GPC5: variants seen among roughly 807,000 people sequenced by gnomAD.
The protein encoded by GPC5 is glypican 5.
A neutral mutation model predicts 53.9 loss-of-function variants in GPC5; 47 were observed. That is an observed-to-expected ratio of 0.87 (90% CI 0.69 to 1.11). The LOEUF is 1.11. Among genes scored for constraint, GPC5 ranks in the 50% most tolerant of loss-of-function variants. The pLI is 0.00. For missense variants in GPC5, 748 were observed against 713.1 expected (o/e 1.05, Z -0.56); for synonymous variants, 286 against 263.3 (o/e 1.09, Z -0.84).
chr13:91,810,128 G>T (rs1409324092), intron 5 of GPC5, among the ~76,000 whole-genome samples: 6 of 151,932 alleles, frequency 3.9e-5, no homozygotes, highest in African/African-American at 1.2e-4. Context: ...AACAAAATTA[G>T]TTTCAGAGAA....
chr13:92,289,393 T>C (rs2042978386), intron 7 of GPC5, among the ~76,000 whole-genome samples: 1 of 152,008 alleles, frequency 6.6e-6, no homozygotes, highest in African/African-American at 2.4e-5. Flanking sequence ...ACACTGTATA[T>C]CAAAGATTTA....
intron 6 of GPC5, among the ~76,000 whole-genome samples, chr13:92,020,371 AT>A (rs1460639459): frequency 1.3e-5 from 2 of 152,120 alleles, no homozygotes; most frequent in Non-Finnish European, 2.9e-5. Context: ...AATGCAAGGA[AT>A]TTTTAAGTTT....
intron 6 of GPC5, among the ~76,000 whole-genome samples, chr13:91,939,237 C>A (rs978679686): frequency 6.6e-6 from 1 of 152,042 alleles, no homozygotes; most frequent in African/African-American, 2.4e-5. Context: ...ATTTTATCTA[C>A]ATATGATTGG....
rs920602146 is a variant in GPC5 at position 92,630,594 on chromosome 13, T to C, written c.1562-235688T>C. 3.3e-5 allele frequency among the ~76,000 whole-genome samples: 5 copies of C among 152,170 alleles called. No individual in the cohort carries two copies. The East Asian group carries it at 7.7e-4, about 23-fold the overall frequency. ...GAGACATTAGAACATTTAATGTAGA[T>C]GACGGGTTGATGGGTGCAGCAAACC... On this transcript the variant is annotated intron_variant, in intron 7 of 7. Coordinates refer to ENST00000377067, the MANE Select transcript of GPC5 (RefSeq NM_004466.6).
intron 7 of GPC5, among the ~76,000 whole-genome samples, chr13:92,397,768 G>C (rs1875353008): frequency 6.6e-6 from 1 of 152,076 alleles, no homozygotes; most frequent in Admixed American, 6.5e-5. Flanking sequence ...GAAACAGCAA[G>C]TCATTCCTTT....
intron 7 of GPC5, among the ~76,000 whole-genome samples, chr13:92,788,521 T>TA (rs1354020513): frequency 6.6e-6 from 1 of 152,202 alleles, no homozygotes; most frequent in Admixed American, 6.5e-5. Flanking sequence ...ATTAAGTACT[T>TA]AAAATCTAAA....
chr13:92,560,309 G>T (rs1882653895), intron 7 of GPC5, among the ~76,000 whole-genome samples: 1 of 151,998 alleles, frequency 6.6e-6, no homozygotes, highest in African/African-American at 2.4e-5. Context: ...CAACGTCACA[G>T]AACCTCATAC....
intron 7 of GPC5, among the ~76,000 whole-genome samples, chr13:92,674,015 A>G (rs1886844340): frequency 6.6e-6 from 1 of 152,248 alleles, no homozygotes; most frequent in Non-Finnish European, 1.5e-5. Context: ...AAGGTGGAAC[A>G]TAAACCACTT....
intron 5 of GPC5, among the ~76,000 whole-genome samples, chr13:91,774,599 C>T (rs901989438): frequency 2.0e-5 from 3 of 152,102 alleles, no homozygotes; most frequent in Non-Finnish European, 4.4e-5. Context: ...CCTTGACCTA[C>T]AGCGCACCCA....
intron 7 of GPC5, among the ~76,000 whole-genome samples, chr13:92,829,032 G>T (rs1877953869): frequency 6.6e-6 from 1 of 152,076 alleles, no homozygotes; most frequent in Admixed American, 6.6e-5. Context: ...GAAATAAAAT[G>T]CACCCTCCCG....
chr13:92,073,774 T>G (rs2041231604), intron 6 of GPC5, among the ~76,000 whole-genome samples: 1 of 152,170 alleles, frequency 6.6e-6, no homozygotes, highest in Non-Finnish European at 1.5e-5. Flanking sequence ...TAGCCCTGTA[T>G]GGTTTCGCTG....
chr13:92,593,554 T>C (rs1395510604), intron 7 of GPC5, among the ~76,000 whole-genome samples: 1 of 151,050 alleles, frequency 6.6e-6, no homozygotes. Flanking sequence ...ACGGGAATCA[T>C]CAGCAGAGAT....
intron 7 of GPC5, among the ~76,000 whole-genome samples, chr13:92,683,660 A>T (rs1003146033): frequency 6.6e-6 from 1 of 152,198 alleles, no homozygotes; most frequent in Non-Finnish European, 1.5e-5. Flanking sequence ...TGTTATTCAA[A>T]CTAAAGACCA....
At chr13:92,666,436 T>C (rs1886567663) in intron 7 of GPC5, among the ~76,000 whole-genome samples, 1 of 152,192 alleles carries the variant, frequency 6.6e-6, no homozygotes, top group Non-Finnish European at 1.5e-5. Context: ...ATGTTTCTGC[T>C]GGCTTTTCAT....
At chr13:91,964,126 C>T (rs578013844) in intron 6 of GPC5, among the ~76,000 whole-genome samples, 6 of 152,296 alleles carry the variant, frequency 3.9e-5, no homozygotes, top group South Asian at 2.1e-4. Context: ...TCCAGAGTTT[C>T]TTCCTTCTGG....
At chr13:92,173,268 C>G (rs374036025) in intron 7 of GPC5, among the ~76,000 whole-genome samples, 52 of 152,112 alleles carry the variant, frequency 3.4e-4, no homozygotes, top group African/African-American at 1.2e-3. Context: ...AATTTGTTTT[C>G]CTGGCCACCT....
chr13:92,199,933 T>A (rs1174092895), intron 7 of GPC5, among the ~76,000 whole-genome samples: 1 of 152,324 alleles, frequency 6.6e-6, no homozygotes, highest in East Asian at 1.9e-4. Flanking sequence ...ATACATTTTT[T>A]AAAATAAAAC....
At chr13:91,804,180 A>C (rs2038183491) in intron 5 of GPC5, among the ~76,000 whole-genome samples, 1 of 152,224 alleles carries the variant, frequency 6.6e-6, no homozygotes, top group Non-Finnish European at 1.5e-5. Context: ...GGTTTCTATC[A>C]TTTAGAACCA....
chr13:92,411,908 G>A (rs1876059405), intron 7 of GPC5, among the ~76,000 whole-genome samples: 1 of 152,012 alleles, frequency 6.6e-6, no homozygotes. Flanking sequence ...AAGTAATTGC[G>A]GTTTTAGTCA....
Sources: gnomAD v4.1 joint callset for allele counts (sites outside exome capture counted in the v4.1 genomes callset) on GRCh38, gnomAD v4.1.1 for gene constraint, MANE v1.5 for transcripts, NCBI Gene and HGNC (gene_info 2026-07-23, HGNC 2026-07-21) for gene names.